Variants in CNOT1 observed in about 807,000 individuals in gnomAD.
The protein encoded by CNOT1 is CCR4-associated factor 1.
Under a neutral mutation model 273.8 loss-of-function variants are expected in CNOT1, and 15 were observed. The ratio of observed to expected loss-of-function variants is 0.05; its 90% CI spans 0.04 to 0.08. CNOT1 has a LOEUF of 0.08. CNOT1 is among the 10% of genes least tolerant of loss of function. CNOT1 has a pLI of 1.00. For synonymous variants in CNOT1, 1,022 were observed against 1,005.5 expected (o/e 1.02, Z -0.31); for missense variants, 1,644 against 2,912.2 (o/e 0.56, Z 10.02).
chr16:58,585,511 G>A lies in CNOT1; in HGVS notation c.638-5C>T, dbSNP rs1405135422. The A allele has an allele frequency of 6.2e-7, 1 of 1,608,654 alleles. No individual in the cohort carries two copies. Among genetic ancestry groups the A allele is most frequent in the African/African-American group, 1.3e-5 (1 of 74,610 alleles). On this transcript the variant is annotated splice_polypyrimidine_tract_variant and splice_region_variant and intron_variant, in intron 7 of 48. Coordinates refer to ENST00000317147, the MANE Select transcript of CNOT1 (RefSeq NM_016284.5). Reference sequence around the variant, plus strand: ...GACAGCGTTCTTGGGGAAAATCTGAGAGAGGAAAAAGGTTACAACTGCTAT... The same window carrying A: ...GACAGCGTTCTTGGGGAAAATCTGAAAGAGGAAAAAGGTTACAACTGCTAT...
At chr16:58,615,729 G>T (rs1355829652) in intron 1 of CNOT1, among the ~76,000 whole-genome samples, 1 of 124,938 alleles carries the variant, frequency 8.0e-6, no homozygotes, top group Admixed American at 8.0e-5. Flanking sequence ...TACCAAGAAA[G>T]GAAAGATAAG....
At chr16:58,524,886 G>T (rs2039534184) in intron 46 of CNOT1, among the ~76,000 whole-genome samples, 1 of 152,144 alleles carries the variant, frequency 6.6e-6, no homozygotes, top group African/African-American at 2.4e-5. Flanking sequence ...GTAACAAGAG[G>T]CTATGTTTAA....
intron 35 of CNOT1, among the ~76,000 whole-genome samples, 168 bp from the exon 36 acceptor site, chr16:58,539,082 TTCTA>T (rs1229543528): frequency 6.6e-6 from 1 of 151,616 alleles, no homozygotes. Context: ...ACACTCTAAA[TTCTA>T]TCTGATTTAA....
chr16:58,584,559 T>G (rs1200943901), intron 8 of CNOT1, among the ~76,000 whole-genome samples: 1 of 152,052 alleles, frequency 6.6e-6, no homozygotes, highest in East Asian at 1.9e-4. Flanking sequence ...CTTGAACTCC[T>G]GACATCAGGT....
intron 35 of CNOT1, 126 bp from the exon 36 acceptor site, chr16:58,539,040 C>CT: frequency 7.2e-7 from 1 of 1,383,350 alleles, no homozygotes; most frequent in Non-Finnish European, 9.6e-7. Flanking sequence ...CCTTTCCACT[C>CT]TCCAAACATC....
intron 16 of CNOT1, among the ~76,000 whole-genome samples, chr16:58,570,261 C>T (rs894562750): frequency 2.0e-5 from 3 of 152,180 alleles, no homozygotes; most frequent in Non-Finnish European, 2.9e-5. Flanking sequence ...TGAAAAAACA[C>T]TGAACACTGA....
intron 46 of CNOT1, 112 bp downstream of exon 46, chr16:58,525,067 T>C: frequency 9.2e-6 from 9 of 975,444 alleles, no homozygotes; most frequent in Admixed American, 1.9e-5. Flanking sequence ...ATAAATATAC[T>C]GACAGAACAT....
chr16:58,586,668 C>T lies in CNOT1; in HGVS notation c.514G>A (p.Gly172Ser). 1 of 1,613,226 alleles carries T rather than the reference C, an allele frequency of 6.2e-7. No individual in the cohort carries two copies. Among genetic ancestry groups the T allele is most frequent in the Non-Finnish European group, 8.5e-7 (1 of 1,179,880 alleles). The change falls in exon 7 of 49, where the codon GGC becomes AGC. Residue 172 changes from glycine to serine, a missense_variant. This residue lies in a region of CNOT1 where 706 missense variants were observed against 1,021.2 expected (regional missense o/e 0.69). Coordinates refer to ENST00000317147, the MANE Select transcript of CNOT1 (RefSeq NM_016284.5). ...DADVSGNQEG[G>S]FQDIAIEVLH... ...ACCTCTATTGCTATATCTTGGAAGC[C>T]ACCTTCTTGATTTCCACTGACGTCT...
intron 8 of CNOT1, among the ~76,000 whole-genome samples, chr16:58,583,837 C>A (rs984036145): frequency 1.3e-5 from 2 of 151,804 alleles, no homozygotes; most frequent in African/African-American, 4.8e-5. Context: ...CAATGCCCAG[C>A]CTGAAAATTT....
Position 58,525,071 on chromosome 16 carries a change from A to C in CNOT1, c.6784+108T>G. ...TAGACCTGTGAATAAATATACTGAC[A>C]GAACATTCCTTCACTATTGTGGCTT... is the stretch of plus-strand genomic sequence containing the variant. On this transcript the variant is annotated intron_variant, in intron 46 of 48. Transcript: ENST00000317147. 3 of 1,011,156 alleles carry C rather than the reference A, an allele frequency of 3.0e-6. No homozygotes were observed. The South Asian group carries it at 4.4e-5, about 15-fold the overall frequency. 62.6% of individuals were successfully genotyped at this position (1,011,156 alleles called of 1,614,324 possible).
In CNOT1 at chr16:58,521,049, G is replaced by A. The variant is rs763622674; in HGVS notation, c.7053-13C>T. 4 of 1,613,950 alleles carry A rather than the reference G, an allele frequency of 2.5e-6. No homozygotes were observed. The African/African-American group carries it at 4.0e-5, about 16-fold the overall frequency. On this transcript the variant is annotated splice_polypyrimidine_tract_variant and intron_variant, in intron 48 of 48. Transcript: ENST00000317147. ...CGACTGGAATAACCTGAAGGATGAAGACAGTTACAAATCTCTGATTAAAGA... is the reference window on the plus strand; with the variant it reads ...CGACTGGAATAACCTGAAGGATGAAAACAGTTACAAATCTCTGATTAAAGA...
intron 1 of CNOT1, among the ~76,000 whole-genome samples, chr16:58,627,094 A>C (rs559453484): frequency 1.2e-4 from 18 of 152,206 alleles, no homozygotes; most frequent in Middle Eastern, 6.8e-3. Flanking sequence ...AATCAAGTTC[A>C]TAAATTCAAA....
At position 58,574,645 on chromosome 16, in the gene CNOT1, A is replaced by G. The variant is rs201113615; in HGVS notation, c.1943T>C (p.Leu648Ser). ...TTGCAGACAGGCCAACATTGTCGCC[A>G]AAGTTTCTGGAGGAAGTTGAGCACT... is the stretch of plus-strand genomic sequence containing the variant. ...PKSAQLPPET[L>S]ATMLACLQAC... is the part of the protein sequence containing the mutation. Residue 648 changes from leucine to serine, a missense_variant, in exon 16 of 49, where the codon TTG becomes TCG. Leu to Ser is a moderately radical substitution (Grantham distance 145). Around this residue, in one of 13 missense-constraint regions of CNOT1, gnomAD observed 706 missense variants for 1,021.2 expected, o/e 0.69. Transcript: ENST00000317147. 6.2e-7 allele frequency: 1 copy of G among 1,601,544 alleles called. No individual in the cohort carries two copies. The highest frequency in any genetic ancestry group is 2.2e-5 in the East Asian group (1 of 44,838).
chr16:58,557,133 T>C, intron 18 of CNOT1, 140 bp from the exon 19 acceptor site: 1 of 1,200,384 alleles, frequency 8.3e-7, no homozygotes, highest in Non-Finnish European at 1.1e-6. Flanking sequence ...TCTTTGTTAA[T>C]TCCCTTATTA....
chr16:58,543,397 T>C (rs757312936), intron 31 of CNOT1: 9 of 1,510,358 alleles, frequency 6.0e-6, no homozygotes, highest in Non-Finnish European at 8.0e-6. Context: ...AAACATCGTG[T>C]TGAGAATATA....
Position 58,551,440 on chromosome 16 carries a change from T to C in CNOT1, c.3201+149A>G, listed in dbSNP as rs1201442796. The C allele has an allele frequency of 3.4e-6, 4 of 1,187,642 alleles. No homozygotes were observed. In the African/African-American group the frequency reaches 4.6e-5, roughly 14 times the overall value. 73.6% of individuals were successfully genotyped at this position (1,187,642 alleles called of 1,614,324 possible). A position where few individuals can be genotyped will look rare whatever the true frequency, so the allele number is the denominator to read the frequency against. On this transcript the variant is annotated intron_variant, in intron 23 of 48. Transcript: ENST00000317147. ...TTAATATGTTTGCCTCTGGGAAATA[T>C]AAGGATGGGAGATACAAAGGAAGAC... is the stretch of plus-strand genomic sequence containing the variant.
In CNOT1 at chr16:58,587,497, G is replaced by A. The variant is rs1041433551; in HGVS notation, c.310-84C>T. 14 of 1,569,030 alleles carry A rather than the reference G, an allele frequency of 8.9e-6. No individual in the cohort carries two copies. The Admixed American group carries it at 2.6e-4, about 29-fold the overall frequency. On this transcript the variant is annotated intron_variant, in intron 4 of 48. Transcript: ENST00000317147. ...CAACCTATCTGTTTGCCCAAGGATG[G>A]CACTACATAGGAGTTGCTTAATTCT...
intron 2 of CNOT1, chr16:58,597,644 G>A (rs112038953): frequency 2.2e-6 from 1 of 457,740 alleles, no homozygotes. Flanking sequence ...GAGATGCTAT[G>A]CCAAAGAGGA....
chr16:58,559,129 CTA>C (rs2040745184), intron 17 of CNOT1, among the ~76,000 whole-genome samples: 2 of 152,070 alleles, frequency 1.3e-5, no homozygotes, highest in South Asian at 4.1e-4. Context: ...ATAATTATGA[CTA>C]TGTTTTGACT....
Sources: gnomAD v4.1 joint callset for allele counts (sites outside exome capture counted in the v4.1 genomes callset) on GRCh38, gnomAD v4.1.1 for gene constraint, gnomAD v4.1.1 regional missense constraint, MANE v1.5 for transcripts, NCBI Gene and HGNC (gene_info 2026-07-23, HGNC 2026-07-21) for gene names.